SUZ12: variants seen among roughly 807,000 people sequenced by gnomAD.
SUZ12 encodes the protein polycomb protein SUZ12.
In SUZ12, 17 loss-of-function variants were observed where a neutral mutation model predicts 87.3. That is an observed-to-expected ratio of 0.19 (90% CI 0.13 to 0.29). The LOEUF is 0.29. Among genes scored for constraint, SUZ12 ranks in the 10% least tolerant of loss-of-function variants. The pLI, the probability that SUZ12 is intolerant of heterozygous loss-of-function variation, is 1.00. For missense variants in SUZ12, 526 were observed against 912.2 expected, an observed-to-expected ratio of 0.58 and a Z score of 5.45; for synonymous variants, 253 against 312.4, an observed-to-expected ratio of 0.81 and a Z score of 2.01.
intron 8 of SUZ12, among the ~76,000 whole-genome samples, chr17:31,982,486 C>A (rs897900483): frequency 2.0e-5 from 3 of 152,096 alleles, no homozygotes; most frequent in Non-Finnish European, 4.4e-5. Flanking sequence ...ATGCTGAAAC[C>A]CATCTCTACT....
chr17:31,952,925 G>A (rs1391633697), intron 4 of SUZ12, among the ~76,000 whole-genome samples: 1 of 152,082 alleles, frequency 6.6e-6, no homozygotes, highest in African/African-American at 2.4e-5. Flanking sequence ...GGACTAAAAT[G>A]CATCATGAAA....
rs1000055034 is a variant in SUZ12, at chr17:31,982,231, TATA to T, written c.918-762_918-760del. On this transcript the variant is annotated intron_variant, in intron 8 of 15. Transcript: ENST00000322652. ...ATTCCGTAGTTACCAGATTCGTCAT[TATA>T]ATAATCAGTTTACTGGTCAAGTATA... Among the ~76,000 whole-genome samples the T allele has an allele frequency of 2.6e-5, 4 of 152,180 alleles. No homozygotes were observed. The South Asian group carries it at 8.3e-4, about 31-fold the overall frequency.
At chr17:31,986,787 C>G (rs187932507) in intron 9 of SUZ12, among the ~76,000 whole-genome samples, 1 of 152,016 alleles carries the variant, frequency 6.6e-6, no homozygotes, top group Non-Finnish European at 1.5e-5. Context: ...CCTGACCTCA[C>G]GATCTGCCCT....
intron 4 of SUZ12, 70 bp from the exon 5 acceptor site, chr17:31,966,077 A>AT (rs1269907573): frequency 4.4e-6 from 6 of 1,356,688 alleles, no homozygotes; most frequent in Non-Finnish European, 2.0e-6. Flanking sequence ...TCAATGTTAT[A>AT]TTTTAAAGTC....
intron 4 of SUZ12, among the ~76,000 whole-genome samples, chr17:31,964,376 T>C (rs1907957462): frequency 6.6e-6 from 1 of 150,670 alleles, no homozygotes; most frequent in East Asian, 2.0e-4. Flanking sequence ...TCTGTACTAC[T>C]GTTCTAGAAA....
intron 6 of SUZ12, among the ~76,000 whole-genome samples, chr17:31,973,449 C>T (rs1238947738): frequency 2.0e-5 from 3 of 151,884 alleles, no homozygotes; most frequent in Non-Finnish European, 4.4e-5. Flanking sequence ...AAAACTTTCT[C>T]ATAGGAGTCT....
chr17:31,986,002 C>G (rs1265088220), intron 9 of SUZ12, among the ~76,000 whole-genome samples: 1 of 151,878 alleles, frequency 6.6e-6, no homozygotes, highest in Non-Finnish European at 1.5e-5. Flanking sequence ...GAGTCTCGCT[C>G]TGTCACCCAG....
At chr17:31,944,280 C>T (rs1906483809) in intron 3 of SUZ12, among the ~76,000 whole-genome samples, 1 of 151,920 alleles carries the variant, frequency 6.6e-6, no homozygotes, top group African/African-American at 2.4e-5. Context: ...AGGCATGCGC[C>T]ACCATGCCTG....
intron 3 of SUZ12, among the ~76,000 whole-genome samples, chr17:31,945,909 A>G (rs1053136271): frequency 6.6e-6 from 1 of 152,144 alleles, no homozygotes; most frequent in African/African-American, 2.4e-5. Flanking sequence ...AACTTTCAGT[A>G]TTTATACTGA....
At chr17:31,981,217 A>G (rs528078907) in intron 8 of SUZ12, among the ~76,000 whole-genome samples, 53 of 152,330 alleles carry the variant, frequency 3.5e-4, no homozygotes, top group African/African-American at 1.2e-3. Flanking sequence ...TTTCAGGTAG[A>G]TGTCTGTCAT....
Position 31,937,108 on chromosome 17 carries a change from CCTTCCCCTCT to C in SUZ12, c.-137_-128del. On this transcript the variant is annotated 5_prime_UTR_variant, in exon 1 of 16. Coordinates refer to ENST00000322652, the MANE Select transcript of SUZ12 (RefSeq NM_015355.4). ...CCTTCCCTCCTCTCCTCCTCCCTTCCCTTCCCCTCTCCTCCCCTCTCTCCTCCTTCCCCCC... is the reference window on the plus strand; with the variant it reads ...CCTTCCCTCCTCTCCTCCTCCCTTCCCCTCCCCTCTCTCCTCCTTCCCCCC... 1.4e-6 allele frequency: 1 copy of C among 703,988 alleles called. No homozygotes were observed. The highest frequency in any genetic ancestry group is 2.1e-6 in the Non-Finnish European group (1 of 481,636). The allele number at this position is 703,988 out of a possible 1,614,324, so 43.6% of individuals were successfully genotyped here. A position where few individuals can be genotyped will look rare whatever the true frequency, so the allele number is the denominator to read the frequency against.
intron 10 of SUZ12, among the ~76,000 whole-genome samples, chr17:31,991,881 T>G (rs1909739055): frequency 6.6e-6 from 1 of 151,910 alleles, no homozygotes. Flanking sequence ...ATTACAGACA[T>G]GAGCCACCGT....
chr17:31,953,405 C>G (rs915977077), intron 4 of SUZ12, among the ~76,000 whole-genome samples: 5 of 152,108 alleles, frequency 3.3e-5, no homozygotes, highest in African/African-American at 1.2e-4. Context: ...GCCACCATGC[C>G]TGGCTTTATT....
At chr17:31,947,295 G>A (rs2470265) in intron 3 of SUZ12, among the ~76,000 whole-genome samples, 3 of 152,090 alleles carry the variant, frequency 2.0e-5, no homozygotes, top group Admixed American at 6.6e-5. Context: ...TGAGTTTTAC[G>A]TGTAGGAAAC....
At chr17:31,989,233 T>G (rs533306412) in intron 10 of SUZ12, among the ~76,000 whole-genome samples, 2 of 152,188 alleles carry the variant, frequency 1.3e-5, no homozygotes, top group African/African-American at 4.8e-5. Context: ...TCTATGTGAT[T>G]AGCCTTTCAG....
At chr17:31,940,904 C>T (rs1469428164) in intron 3 of SUZ12, among the ~76,000 whole-genome samples, 9 of 150,906 alleles carry the variant, frequency 6.0e-5, no homozygotes, top group Non-Finnish European at 8.8e-5. Context: ...CAGTTACTTG[C>T]GAGGCTGAGG....
chr17:31,981,264 C>A (rs551415487), intron 8 of SUZ12, among the ~76,000 whole-genome samples: 14 of 152,238 alleles, frequency 9.2e-5, no homozygotes, highest in South Asian at 6.2e-4. Flanking sequence ...TTTTAAAAGA[C>A]CACTGCCCAA....
In SUZ12 at chr17:31,948,150, AC is replaced by A. The variant is rs146280411; in HGVS notation, c.455+466del. ...AAATCTATCAGGCAACATATTCATA[AC>A]TTTTATTTCATATTTGAAATATGTT... On this transcript the variant is annotated intron_variant, in intron 4 of 15. Coordinates refer to ENST00000322652, the MANE Select transcript of SUZ12 (RefSeq NM_015355.4). 2.7e-3 allele frequency among the ~76,000 whole-genome samples: 414 copies of A among 152,266 alleles called. 2 individuals are homozygous for A. The highest frequency in any genetic ancestry group is 9.1e-3 in the African/African-American group (378 of 41,560).
chr17:31,968,155 G>C (rs1908207314), intron 5 of SUZ12, among the ~76,000 whole-genome samples: 1 of 152,196 alleles, frequency 6.6e-6, no homozygotes, highest in South Asian at 2.1e-4. Context: ...GAGTGACAGA[G>C]TGAGACACTG....
Sources: gnomAD v4.1 joint callset for allele counts (sites outside exome capture counted in the v4.1 genomes callset) on GRCh38, gnomAD v4.1.1 for gene constraint, MANE v1.5 for transcripts, NCBI Gene and HGNC (gene_info 2026-07-23, HGNC 2026-07-21) for gene names.